ADK: variants seen among roughly 807,000 people sequenced by gnomAD.
The protein encoded by ADK is adenosine kinase.
In ADK, 24 loss-of-function variants were observed where a neutral mutation model predicts 44.7. The ratio of observed to expected loss-of-function variants is 0.54; its 90% CI spans 0.39 to 0.76. The LOEUF (loss-of-function observed/expected upper bound fraction) is 0.76. Ranked by LOEUF, ADK falls within the 30% of genes least tolerant of loss-of-function variation. ADK has a pLI of 0.00. For synonymous variants in ADK, 128 were observed against 142.6 expected (o/e 0.90, Z 0.73); for missense variants, 321 against 425.1 (o/e 0.76, Z 2.15).
chr10:74,502,533 T>TA (rs552269974), intron 6 of ADK, among the ~76,000 whole-genome samples: 199 of 152,142 alleles, frequency 1.3e-3, no homozygotes, highest in African/African-American at 4.5e-3. Flanking sequence ...TTTTTTAAAT[T>TA]AAAAAAAATT....
intron 2 of ADK, among the ~76,000 whole-genome samples, chr10:74,202,659 G>A (rs998438552): frequency 6.6e-6 from 1 of 152,130 alleles, no homozygotes; most frequent in African/African-American, 2.4e-5. Context: ...CCATATGAGT[G>A]GGTGTGAAAT....
intron 6 of ADK, chr10:74,516,686 A>T (rs1589203571): frequency 6.6e-6 from 1 of 151,042 alleles, no homozygotes; most frequent in South Asian, 2.1e-4. Flanking sequence ...ACCACACCCA[A>T]CTAATTTTTG....
At chr10:74,316,720 A>G (rs140612712) in intron 4 of ADK, among the ~76,000 whole-genome samples, 10 of 152,316 alleles carry the variant, frequency 6.6e-5, no homozygotes, top group Non-Finnish European at 1.3e-4. Flanking sequence ...AAAATGAACT[A>G]ATACCGGGAG....
At chr10:74,421,613 T>C (rs1302955371) in intron 6 of ADK, among the ~76,000 whole-genome samples, 1 of 152,162 alleles carries the variant, frequency 6.6e-6, no homozygotes, top group Non-Finnish European at 1.5e-5. Flanking sequence ...AACGCTCACA[T>C]CCTGGTTTGT....
chr10:74,320,633 G>C (rs1840776562), intron 4 of ADK, among the ~76,000 whole-genome samples: 1 of 152,010 alleles, frequency 6.6e-6, no homozygotes, highest in Non-Finnish European at 1.5e-5. Flanking sequence ...TGTGGTGATT[G>C]TTTAGTGATA....
intron 7 of ADK, 140 bp downstream of exon 7, chr10:74,525,566 G>A: frequency 1.4e-6 from 1 of 719,382 alleles, no homozygotes; most frequent in Non-Finnish European, 2.3e-6. Context: ...CAACAAAATT[G>A]CCTCAATGTC....
chr10:74,295,747 G>T (rs950929382), intron 3 of ADK, among the ~76,000 whole-genome samples: 1 of 115,594 alleles, frequency 8.7e-6, no homozygotes, highest in Admixed American at 9.8e-5. Flanking sequence ...TTCTTTGTAG[G>T]AATGTTCCAT....
chr10:74,550,708 G>A (rs1261859906), intron 7 of ADK, among the ~76,000 whole-genome samples: 1 of 152,152 alleles, frequency 6.6e-6, no homozygotes, highest in East Asian at 1.9e-4. Context: ...CAATCTTAAA[G>A]ACATTTCATT....
intron 10 of ADK, among the ~76,000 whole-genome samples, chr10:74,680,187 C>T (rs923703997): frequency 5.9e-5 from 9 of 151,320 alleles, no homozygotes; most frequent in African/African-American, 1.2e-4. Flanking sequence ...TGGTGGCAGA[C>T]GCCTGTAGTC....
At chr10:74,604,363 C>G (rs534681425) in intron 9 of ADK, among the ~76,000 whole-genome samples, 1 of 152,230 alleles carries the variant, frequency 6.6e-6, no homozygotes, top group Non-Finnish European at 1.5e-5. Flanking sequence ...AGGTTTTCTT[C>G]TAGGGTTTTT....
At chr10:74,665,595 C>T (rs889898903) in intron 9 of ADK, among the ~76,000 whole-genome samples, 6 of 152,100 alleles carry the variant, frequency 3.9e-5, no homozygotes, top group African/African-American at 1.4e-4. Context: ...ATTAGCCAGG[C>T]ATGTTGGCTT....
intron 4 of ADK, among the ~76,000 whole-genome samples, chr10:74,321,611 C>T (rs1840810998): frequency 6.6e-6 from 1 of 152,170 alleles, no homozygotes. Flanking sequence ...TAATTATTGA[C>T]TTACATTCAA....
At chr10:74,560,611 A>G (rs1357490727) in intron 7 of ADK, among the ~76,000 whole-genome samples, 3 of 152,206 alleles carry the variant, frequency 2.0e-5, no homozygotes, top group Non-Finnish European at 4.4e-5. Context: ...GTTCCTTCCT[A>G]AAATTTTGTT....
At chr10:74,411,166 T>C (rs1844162474) in intron 6 of ADK, among the ~76,000 whole-genome samples, 1 of 152,170 alleles carries the variant, frequency 6.6e-6, no homozygotes, top group Admixed American at 6.5e-5. Flanking sequence ...GCCTTTATTT[T>C]ACAATGTCCT....
intron 6 of ADK, among the ~76,000 whole-genome samples, chr10:74,444,835 G>A (rs1272254228): frequency 4.0e-5 from 6 of 151,538 alleles, no homozygotes; most frequent in Non-Finnish European, 7.4e-5. Context: ...TGGTTCATTT[G>A]TCTGACTGCT....
chr10:74,364,088 T>C (rs1842424946), intron 4 of ADK, among the ~76,000 whole-genome samples: 1 of 152,236 alleles, frequency 6.6e-6, no homozygotes, highest in Non-Finnish European at 1.5e-5. Flanking sequence ...TGGTGTATTA[T>C]ACATAACCAC....
At chr10:74,463,644 G>A (rs961025478) in intron 6 of ADK, among the ~76,000 whole-genome samples, 26 of 152,278 alleles carry the variant, frequency 1.7e-4, no homozygotes, top group African/African-American at 3.9e-4. Flanking sequence ...ATTTGTATCC[G>A]TCCATGTCTG....
chr10:74,265,839 T>C (rs1302774413), intron 3 of ADK, among the ~76,000 whole-genome samples: 1 of 152,202 alleles, frequency 6.6e-6, no homozygotes, highest in Non-Finnish European at 1.5e-5. Flanking sequence ...CAAATTGGTT[T>C]TAGATTTGCA....
chr10:74,670,219 A>G lies in ADK; in HGVS notation c.914A>G (p.Asp305Gly). 6.2e-7 allele frequency: 1 copy of G among 1,613,962 alleles called. No individual in the cohort carries two copies. Among genetic ancestry groups the G allele is most frequent in the Non-Finnish European group, 8.5e-7 (1 of 1,179,920 alleles). Residue 305 changes from aspartate (D) to glycine (G), a missense_variant, in exon 10 of 11, where the codon GAC (aspartate) becomes GGC (glycine). By Grantham distance (94) the Asp-to-Gly change is moderately conservative (BLOSUM62 -1). Coordinates refer to ENST00000539909, the MANE Select transcript of ADK (RefSeq NM_006721.4). Reference protein sequence around the residue: ...EVTAFAVLDQDQKEIIDTNGA... With the variant: ...EVTAFAVLDQGQKEIIDTNGA... Reference sequence around the variant, plus strand: ...ACTGCTTTTGCTGTCTTGGATCAAGACCAGAAAGAAATTATTGATACCAAT... The same window carrying G: ...ACTGCTTTTGCTGTCTTGGATCAAGGCCAGAAAGAAATTATTGATACCAAT...
Sources: gnomAD v4.1 joint callset for allele counts (sites outside exome capture counted in the v4.1 genomes callset) on GRCh38, gnomAD v4.1.1 for gene constraint, MANE v1.5 for transcripts, NCBI Gene and HGNC (gene_info 2026-07-23, HGNC 2026-07-21) for gene names.